The following LRRTM4 variants were observed in gnomAD, a reference collection of about 807,000 sequenced individuals.
LRRTM4 encodes the protein leucine-rich repeat transmembrane neuronal protein 4.
A neutral mutation model predicts 47.6 loss-of-function variants in LRRTM4; 25 were observed. That is an observed-to-expected ratio of 0.53 (90% confidence interval 0.38 to 0.73). LRRTM4 has a LOEUF of 0.73. LRRTM4 is among the 30% of genes least tolerant of loss of function. The pLI is 0.00. For missense variants in LRRTM4, 638 were observed against 713.4 expected, an observed-to-expected ratio of 0.89 and a Z score of 1.20; for synonymous variants, 311 against 269.5, an observed-to-expected ratio of 1.15 and a Z score of -1.51.
At chr2:77,021,231 T>C (rs975777852) in intron 3 of LRRTM4, among the ~76,000 whole-genome samples, 1 of 152,112 alleles carries the variant, frequency 6.6e-6, no homozygotes, top group Admixed American at 6.6e-5. Context: ...GTGAGAACTA[T>C]ACAGATAACA....
At chr2:76,914,218 C>T (rs1354330595) in intron 3 of LRRTM4, among the ~76,000 whole-genome samples, 1 of 151,870 alleles carries the variant, frequency 6.6e-6, no homozygotes, top group Non-Finnish European at 1.5e-5. Context: ...TCCATCATAT[C>T]AATAACTTTA....
intron 3 of LRRTM4, among the ~76,000 whole-genome samples, chr2:77,193,638 C>T (rs529559389): frequency 4.0e-4 from 60 of 151,850 alleles, no homozygotes; most frequent in Non-Finnish European, 7.9e-4. Context: ...GGTGAAACCC[C>T]GTCTCTACAA....
intron 3 of LRRTM4, among the ~76,000 whole-genome samples, chr2:77,110,340 A>G (rs990594999): frequency 2.6e-5 from 4 of 152,130 alleles, no homozygotes; most frequent in East Asian, 3.9e-4. Context: ...ATAAAATACA[A>G]TAACATCTTC....
chr2:76,913,805 C>G (rs2103787643), intron 3 of LRRTM4, among the ~76,000 whole-genome samples: 2 of 152,098 alleles, frequency 1.3e-5, no homozygotes, highest in South Asian at 4.1e-4. Flanking sequence ...TCCCAAAGTG[C>G]TGGGATTACA....
chr2:77,038,086 C>T (rs150660272), intron 3 of LRRTM4, among the ~76,000 whole-genome samples: 2 of 151,688 alleles, frequency 1.3e-5, no homozygotes, highest in Non-Finnish European at 3.0e-5. Flanking sequence ...TTGTAGACTT[C>T]TTTTCTTCCT....
At chr2:77,054,179 A>T (rs977694803) in intron 3 of LRRTM4, among the ~76,000 whole-genome samples, 12 of 152,278 alleles carry the variant, frequency 7.9e-5, no homozygotes, top group Admixed American at 2.0e-4. Flanking sequence ...GGCCAGAGAG[A>T]CGGTGCCTTG....
At chr2:77,471,250 C>T (rs1244604769) in intron 3 of LRRTM4, among the ~76,000 whole-genome samples, 1 of 152,094 alleles carries the variant, frequency 6.6e-6, no homozygotes, top group African/African-American at 2.4e-5. Flanking sequence ...TTACTATAGA[C>T]TCATTTATTC....
chr2:77,226,538 CAT>C (rs60188707), intron 3 of LRRTM4, among the ~76,000 whole-genome samples: 11,145 of 143,796 alleles, frequency 0.078, 414 homozygotes, highest in Middle Eastern at 0.14. Context: ...AAATTATATA[CAT>C]ATATATATAT....
At chr2:77,435,495 T>C (rs1675553446) in intron 3 of LRRTM4, among the ~76,000 whole-genome samples, 1 of 152,200 alleles carries the variant, frequency 6.6e-6, no homozygotes, top group Admixed American at 6.5e-5. Context: ...CAATATCCAA[T>C]TTATATAAAA....
At chr2:77,233,811 C>T (rs111480055) in intron 3 of LRRTM4, among the ~76,000 whole-genome samples, 11,766 of 152,108 alleles carry the variant, frequency 0.077, 856 homozygotes, top group African/African-American at 0.19. Flanking sequence ...GTTTTTGAGA[C>T]GGAGTCTCGC....
intron 3 of LRRTM4, among the ~76,000 whole-genome samples, chr2:77,054,606 T>C (rs1330520855): frequency 6.6e-6 from 1 of 152,192 alleles, no homozygotes; most frequent in Non-Finnish European, 1.5e-5. Flanking sequence ...AACTAGATTA[T>C]TTCTCATTAA....
chr2:77,196,761 T>A (rs757473600), intron 3 of LRRTM4, among the ~76,000 whole-genome samples: 15 of 152,008 alleles, frequency 9.9e-5, no homozygotes, highest in African/African-American at 3.6e-4. Flanking sequence ...TTAAATAAAA[T>A]AAAAAACTTT....
intron 3 of LRRTM4, among the ~76,000 whole-genome samples, chr2:77,282,468 G>A (rs1676533381): frequency 6.6e-6 from 1 of 151,042 alleles, no homozygotes; most frequent in Admixed American, 6.7e-5. Flanking sequence ...CTCTGGCTAG[G>A]ACTTCCAGGA....
At chr2:77,503,180 A>C (rs986154280) in intron 3 of LRRTM4, among the ~76,000 whole-genome samples, 1 of 151,606 alleles carries the variant, frequency 6.6e-6, no homozygotes, top group African/African-American at 2.4e-5. Flanking sequence ...GTAGCAGAGA[A>C]ACAAATTCAA....
chr2:77,042,505 T>A (rs560294579), intron 3 of LRRTM4, among the ~76,000 whole-genome samples: 1 of 151,702 alleles, frequency 6.6e-6, no homozygotes, highest in Non-Finnish European at 1.5e-5. Flanking sequence ...TTGAATATTA[T>A]AGGTACTCAA....
At chr2:76,885,420 GAGATGACTGGTAAGCAGGAAGAA>G (rs1673042348) in intron 3 of LRRTM4, among the ~76,000 whole-genome samples, 1 of 150,946 alleles carries the variant, frequency 6.6e-6, no homozygotes, top group African/African-American at 2.4e-5. Context: ...TGCAGGATTT[GAGATGACTGGTAAGCAGGAAGAA>G]AGTTTTGACA....
intron 3 of LRRTM4, among the ~76,000 whole-genome samples, chr2:77,120,229 C>T (rs923096548): frequency 9.9e-5 from 15 of 151,708 alleles, no homozygotes; most frequent in Admixed American, 2.0e-4. Flanking sequence ...TTCCAGAGAG[C>T]GGGAATACAT....
chr2:76,972,900 C>CA (rs150406160), intron 3 of LRRTM4, among the ~76,000 whole-genome samples: 3,128 of 151,954 alleles, frequency 0.021, 92 homozygotes, highest in African/African-American at 0.067. Context: ...AAGTATAATA[C>CA]AAAAAAGGTT....
chr2:77,019,078 G>A (rs1358539170), intron 3 of LRRTM4, among the ~76,000 whole-genome samples: 1 of 151,844 alleles, frequency 6.6e-6, no homozygotes, highest in Non-Finnish European at 1.5e-5. Flanking sequence ...CCAATCTGCT[G>A]TACACTTCAC....
Sources: gnomAD v4.1 joint callset for allele counts (sites outside exome capture counted in the v4.1 genomes callset) on GRCh38, gnomAD v4.1.1 for gene constraint, MANE v1.5 for transcripts, NCBI Gene and HGNC (gene_info 2026-07-23, HGNC 2026-07-21) for gene names.